The following DGCR2 variants were observed in gnomAD, a reference collection of about 807,000 sequenced individuals.
The protein encoded by DGCR2 is integral membrane protein DGCR2/IDD.
Under a neutral mutation model 51.6 loss-of-function variants are expected in DGCR2, and 24 were observed. The ratio of observed to expected loss-of-function variants is 0.47; its 90% CI spans 0.34 to 0.65. The LOEUF (loss-of-function observed/expected upper bound fraction) is 0.65. Among genes scored for constraint, DGCR2 ranks in the 30% least tolerant of loss-of-function variants. The pLI is 0.01. For missense variants in DGCR2, 765 were observed against 772.1 expected (o/e 0.99, Z 0.11); for synonymous variants, 340 against 315.4 (o/e 1.08, Z -0.82).
At chr22:19,080,130 ATC>A (rs2082920020) in intron 2 of DGCR2, among the ~76,000 whole-genome samples, 1 of 152,220 alleles carries the variant, frequency 6.6e-6, no homozygotes, top group Non-Finnish European at 1.5e-5. Flanking sequence ...GGCTGCTGAC[ATC>A]TGGAGAGCAG....
chr22:19,065,544 T>C (rs1180751400), intron 3 of DGCR2, among the ~76,000 whole-genome samples: 1 of 152,084 alleles, frequency 6.6e-6, no homozygotes. Context: ...GCTCAAAGGA[T>C]AACAGCTGGG....
At position 19,057,567 on chromosome 22, in the gene DGCR2, C is replaced by T. The variant is rs1027558507; in HGVS notation, c.626-405G>A. On this transcript the variant is annotated intron_variant, in intron 5 of 9. Transcript: ENST00000263196. The surrounding 1 kb of genome is among the most constrained non-coding windows in gnomAD (Gnocchi z 5.1). Reference sequence around the variant, plus strand: ...TGGGCAAGGGAAACAGGCAGGGAAGCTCTCCCTTAGGACAGCACACTCAGA... The same window carrying T: ...TGGGCAAGGGAAACAGGCAGGGAAGTTCTCCCTTAGGACAGCACACTCAGA... 2.0e-5 allele frequency among the ~76,000 whole-genome samples: 3 copies of T among 152,332 alleles called. No individual in the cohort carries two copies. The East Asian group carries it at 5.8e-4, about 29-fold the overall frequency.
At chr22:19,082,098 T>C (rs2082944627) in intron 2 of DGCR2, among the ~76,000 whole-genome samples, 1 of 150,830 alleles carries the variant, frequency 6.6e-6, no homozygotes, top group Non-Finnish European at 1.5e-5. Context: ...CTCACTCTGA[T>C]GTCCAGTGGT....
chr22:19,063,293 G>C lies in DGCR2; in HGVS notation c.549-15C>G, dbSNP rs1324657577. 8.7e-6 allele frequency: 14 copies of C among 1,609,430 alleles called. No homozygotes were observed. Among genetic ancestry groups the C allele is most frequent in the Non-Finnish European group, 1.1e-5 (13 of 1,176,116 alleles). ...CAACCCACAACCTGCAGGGCACAGA[G>C]ACAGAGACAGAGATCTCAGCGGCAG... is the stretch of plus-strand genomic sequence containing the variant. On this transcript the variant is annotated splice_polypyrimidine_tract_variant and intron_variant, in intron 4 of 9. Coordinates refer to ENST00000263196, the MANE Select transcript of DGCR2 (RefSeq NM_005137.3).
At chr22:19,048,673 T>A in intron 6 of DGCR2, 30 bp from the exon 7 acceptor site, 2 of 1,606,086 alleles carry the variant, frequency 1.2e-6, no homozygotes, top group Non-Finnish European at 1.7e-6. Flanking sequence ...TGTACAGATG[T>A]ATACAATGCC....
chr22:19,063,369 T>G (rs2082709325), intron 4 of DGCR2, 91 bp from the exon 5 acceptor site: 1 of 1,165,294 alleles, frequency 8.6e-7, no homozygotes. Flanking sequence ...TGAGACAGAG[T>G]CTCGCTCTGT....
At chr22:19,077,238 A>C (rs1004850863) in intron 2 of DGCR2, among the ~76,000 whole-genome samples, 1 of 152,150 alleles carries the variant, frequency 6.6e-6, no homozygotes, top group Admixed American at 6.5e-5. Flanking sequence ...CCTGTGATTT[A>C]AGTGTCTTAT....
At chr22:19,084,345 T>C (rs2082981624) in intron 2 of DGCR2, among the ~76,000 whole-genome samples, 1 of 138,580 alleles carries the variant, frequency 7.2e-6, no homozygotes, top group Non-Finnish European at 1.6e-5. Context: ...CCGTCTGGGA[T>C]GTGAAGAGCA....
intron 2 of DGCR2, among the ~76,000 whole-genome samples, chr22:19,072,406 T>C (rs1273692736): frequency 2.0e-5 from 3 of 152,138 alleles, no homozygotes; most frequent in Non-Finnish European, 4.4e-5. Context: ...CTCAGCCACA[T>C]ACAGCAGATA....
chr22:19,045,157 C>T (rs2082475149), intron 7 of DGCR2: 1 of 152,192 alleles, frequency 6.6e-6, no homozygotes, highest in African/African-American at 2.4e-5. Context: ...GTGTAAGGTT[C>T]GTATTTTTTG....
chr22:19,122,344 G>C lies in DGCR2; in HGVS notation c.-138C>G. 1 of 641,418 alleles carries C rather than the reference G, an allele frequency of 1.6e-6. No individual in the cohort carries two copies. Among genetic ancestry groups the C allele is most frequent in the Non-Finnish European group, 2.4e-6 (1 of 414,172 alleles). The allele number at this position is 641,418 out of a possible 1,614,324, so 39.7% of individuals were successfully genotyped here. A position where few individuals can be genotyped will look rare whatever the true frequency, so the allele number is the denominator to read the frequency against. On this transcript the variant is annotated 5_prime_UTR_variant, in exon 1 of 10. Transcript: ENST00000263196. ...CGGAGAGGCGGCGGGAAAGAGCTTCGGCTGGGCCGCGGGCTGGCGCACACT... is the reference window on the plus strand; with the variant it reads ...CGGAGAGGCGGCGGGAAAGAGCTTCCGCTGGGCCGCGGGCTGGCGCACACT...
chr22:19,039,450 G>A (rs1261254706), intron 9 of DGCR2, among the ~76,000 whole-genome samples: 1 of 152,180 alleles, frequency 6.6e-6, no homozygotes, highest in Non-Finnish European at 1.5e-5. Context: ...AGAACAGAGG[G>A]GCCCAAAGGG....
chr22:19,089,560 G>T, intron 1 of DGCR2, 70 bp from the exon 2 acceptor site: 1 of 1,386,830 alleles, frequency 7.2e-7, no homozygotes, highest in Non-Finnish European at 9.5e-7. Context: ...CCCATGGGCT[G>T]GATCAATCTC....
chr22:19,062,699 G>A (rs374990980), intron 5 of DGCR2, among the ~76,000 whole-genome samples: 7 of 151,508 alleles, frequency 4.6e-5, no homozygotes, highest in South Asian at 2.1e-4. Flanking sequence ...GGAAACAGCA[G>A]CCATGTTTCC....
chr22:19,053,588 A>G (rs768165972), intron 6 of DGCR2, among the ~76,000 whole-genome samples: 4 of 152,216 alleles, frequency 2.6e-5, no homozygotes, highest in Non-Finnish European at 5.9e-5. Context: ...TAGTGGAAGT[A>G]AAGGCATAGC....
rs1341703527 is a variant in DGCR2, at chr22:19,078,991, A to T, written c.202+10377T>A. Among the ~76,000 whole-genome samples the T allele has an allele frequency of 6.6e-5, 10 of 152,150 alleles. No homozygotes were observed. The East Asian group carries it at 1.9e-3, about 29-fold the overall frequency. ...TTGAGAGGTTTTTGATTACTGATTC[A>T]ATCTCCTTATTAATTATAGTCCTAT... is the stretch of plus-strand genomic sequence containing the variant. On this transcript the variant is annotated intron_variant, in intron 2 of 9. Transcript: ENST00000263196.
Position 19,064,937 on chromosome 22 carries a change from G to T in DGCR2, c.459C>A (p.Ala153=). The T allele has an allele frequency of 6.2e-7, 1 of 1,614,024 alleles. No individual in the cohort carries two copies. The highest frequency in any genetic ancestry group is 8.5e-7 in the Non-Finnish European group (1 of 1,180,050). The change falls in exon 4 of 10, where the codon GCC becomes GCA. Residue 153 remains alanine, a synonymous_variant. Coordinates refer to ENST00000263196, the MANE Select transcript of DGCR2 (RefSeq NM_005137.3). ...QTCQRLNGSL[A]TFSTDQELRF... is the part of the protein sequence containing the mutation. The stretch of plus-strand genomic sequence containing the variant: ...GCAGCTCCTGGTCAGTGGAGAAGGT[G>T]GCGAGAGAGCCATTCAGGCGCTGGC...
At chr22:19,072,628 C>T (rs780796358) in intron 2 of DGCR2, among the ~76,000 whole-genome samples, 1 of 151,894 alleles carries the variant, frequency 6.6e-6, no homozygotes, top group South Asian at 2.1e-4. Flanking sequence ...AATCCCAGCA[C>T]TTTGGGAGGC....
chr22:19,109,124 C>G (rs1235544816), intron 1 of DGCR2, among the ~76,000 whole-genome samples: 1 of 152,080 alleles, frequency 6.6e-6, no homozygotes, highest in African/African-American at 2.4e-5. Flanking sequence ...TAGCCACTGT[C>G]AAAAACAAAC....
Sources: allele counts gnomAD v4.1 joint callset (sites outside exome capture counted in the v4.1 genomes callset), GRCh38; gene constraint gnomAD v4.1.1; non-coding constraint Gnocchi (gnomAD v3.1); transcripts MANE v1.5; gene names NCBI Gene and HGNC (gene_info 2026-07-23, HGNC 2026-07-21).